PPEF1: variants seen among roughly 807,000 people sequenced by gnomAD.
PPEF1 encodes the protein serine/threonine-protein phosphatase with EF-hands 1.
In PPEF1, 12 loss-of-function variants were observed where a neutral mutation model predicts 53.3. That is an observed-to-expected ratio of 0.23 (90% confidence interval 0.14 to 0.36). PPEF1 has a LOEUF of 0.36. Among genes scored for constraint, PPEF1 ranks in the 10% least tolerant of loss-of-function variants. PPEF1 has a pLI of 1.00. For missense variants in PPEF1, 334 were observed against 490.4 expected (o/e 0.68, Z 3.01); for synonymous variants, 165 against 176.7 (o/e 0.93, Z 0.52).
At chrX:18,700,252 T>C (rs1051522519) in intron 5 of PPEF1, 1 of 91,923 alleles carries the variant, frequency 1.1e-5, no homozygotes, top group Non-Finnish European at 2.3e-5. Flanking sequence ...TGTGTGTGTG[T>C]GTGTGTGTGT....
At chrX:18,807,970 T>TG (rs1491235635) in intron 12 of PPEF1, among the ~76,000 whole-genome samples, 1 of 21,922 alleles carries the variant, frequency 4.6e-5, no homozygotes, top group African/African-American at 1.6e-4. Context: ...TGTACGTACA[T>TG]TTTTTTTTTT....
intron 3 of PPEF1, among the ~76,000 whole-genome samples, chrX:18,747,890 T>C (rs1443975472): frequency 8.9e-6 from 1 of 112,164 alleles, no homozygotes; most frequent in Non-Finnish European, 1.9e-5. Flanking sequence ...TTGCTGTTAT[T>C]TGTTTTTTCT....
intron 14 of PPEF1, among the ~76,000 whole-genome samples, chrX:18,825,116 A>T (rs1357753036): frequency 8.9e-6 from 1 of 112,045 alleles, no homozygotes; most frequent in Admixed American, 9.5e-5. Flanking sequence ...TATCAGGGAG[A>T]TTTATCAGAT....
intron 4 of PPEF1, among the ~76,000 whole-genome samples, chrX:18,691,813 A>G (rs1227949944): frequency 1.8e-5 from 2 of 112,174 alleles, no homozygotes; most frequent in Non-Finnish European, 3.8e-5. Context: ...TAACTCTGAC[A>G]GTCTGAATTG....
chrX:18,824,758 C>T (rs916174977), intron 14 of PPEF1, among the ~76,000 whole-genome samples: 8 of 109,795 alleles, frequency 7.3e-5, no homozygotes, highest in East Asian at 2.9e-4. Context: ...CTGCCTGCCA[C>T]GCTCAAGTGA....
intron 15 of PPEF1, among the ~76,000 whole-genome samples, chrX:18,826,417 CTTTTTTTTT>C (rs58697941): frequency 4.1e-5 from 1 of 24,626 alleles, no homozygotes; most frequent in African/African-American, 2.1e-4. Context: ...TCATTTTCTG[CTTTTTTTTT>C]TTTTTTTTTT....
intron 12 of PPEF1, among the ~76,000 whole-genome samples, chrX:18,817,068 A>C (rs479675): frequency 2.0e-5 from 2 of 100,118 alleles, no homozygotes; most frequent in South Asian, 9.8e-4. Context: ...TCATTTTGCC[A>C]TGTGTGTGTG....
upstream of PPEF1, among the ~76,000 whole-genome samples, chrX:18,682,951 A>G (rs185284372): frequency 1.8e-5 from 2 of 111,767 alleles, no homozygotes; most frequent in Admixed American, 9.5e-5. Flanking sequence ...AGGCCTCACA[A>G]TCATGGCGGA....
intron 13 of PPEF1, among the ~76,000 whole-genome samples, chrX:18,821,378 T>C (rs944761646): frequency 9.0e-6 from 1 of 110,724 alleles, no homozygotes; most frequent in African/African-American, 3.3e-5. Flanking sequence ...GTAAAAGATA[T>C]GATTAACAAA....
At chrX:18,756,187 CT>C (rs933434622) in intron 4 of PPEF1, among the ~76,000 whole-genome samples, 18 of 106,870 alleles carry the variant, frequency 1.7e-4, no homozygotes, top group African/African-American at 3.7e-4. Flanking sequence ...TTTAATACTA[CT>C]TTTTTTTTTG....
At chrX:18,693,386 A>G (rs1401871774) in intron 4 of PPEF1, among the ~76,000 whole-genome samples, 3 of 111,608 alleles carry the variant, frequency 2.7e-5, no homozygotes, top group Non-Finnish European at 3.8e-5. Flanking sequence ...TCTCAAATAT[A>G]ACAGACTCCC....
chrX:18,791,008 T>A (rs746647259), intron 10 of PPEF1, among the ~76,000 whole-genome samples: 19 of 111,584 alleles, frequency 1.7e-4, no homozygotes, highest in Non-Finnish European at 2.8e-4. Flanking sequence ...ACTTTCCTTG[T>A]TAAATTTTCT....
intron 4 of PPEF1, among the ~76,000 whole-genome samples, chrX:18,693,909 C>A (rs1929560451): frequency 8.9e-6 from 1 of 111,947 alleles, no homozygotes; most frequent in Admixed American, 9.5e-5. Context: ...AGCATAACCA[C>A]CATCATCATC....
chrX:18,757,822 T>A, intron 5 of PPEF1, 81 bp downstream of exon 5: 2 of 664,312 alleles, frequency 3.0e-6, no homozygotes, highest in Non-Finnish European at 4.8e-6. Flanking sequence ...GAAAACTGTG[T>A]AAATTGGACT....
intron 5 of PPEF1, among the ~76,000 whole-genome samples, chrX:18,760,076 C>T (rs1220274271): frequency 9.0e-6 from 1 of 111,371 alleles, no homozygotes; most frequent in Non-Finnish European, 1.9e-5. Flanking sequence ...ACCTCTGCCT[C>T]CCGGGGCTCC....
chrX:18,749,340 G>A (rs2045393263), intron 3 of PPEF1, among the ~76,000 whole-genome samples: 1 of 112,307 alleles, frequency 8.9e-6, no homozygotes, highest in African/African-American at 3.2e-5. Context: ...GTTTAACAGG[G>A]GAAAAATTGA....
Position 18,784,016 on chromosome X carries a change from T to C in PPEF1, c.880T>C (p.Leu294=). The C allele has an allele frequency of 8.3e-7, 1 of 1,208,341 alleles. No individual in the cohort carries two copies. Among genetic ancestry groups the C allele is most frequent in the Middle Eastern group, 2.3e-4 (1 of 4,338 alleles). ...TGGTGGGATATCAGAGACCACAGAC[T>C]TGAATTTACTCCACCGTGTAGAGAG... The part of the protein sequence containing the change: ...IHGGISETTD[L]NLLHRVERNK... Residue 294 remains leucine, a synonymous_variant, in exon 9 of 16, where the codon TTG becomes CTG. Coordinates refer to ENST00000470157, the MANE Select transcript of PPEF1 (RefSeq NM_001377996.1).
chrX:18,694,297 CCAGGAGT>C (rs1332703847), intron 4 of PPEF1, among the ~76,000 whole-genome samples: 1 of 111,372 alleles, frequency 9.0e-6, no homozygotes, highest in Non-Finnish European at 1.9e-5. Context: ...GGATAGCTAC[CCAGGAGT>C]AGGATTGCTG....
intron 12 of PPEF1, among the ~76,000 whole-genome samples, chrX:18,811,462 C>A (rs1670367547): frequency 9.1e-6 from 1 of 109,802 alleles, no homozygotes; most frequent in Non-Finnish European, 1.9e-5. Context: ...TTTCCATGTG[C>A]TTATTGGACA....
Sources: gnomAD v4.1 joint callset for allele counts (sites outside exome capture counted in the v4.1 genomes callset) on GRCh38, gnomAD v4.1.1 for gene constraint, MANE v1.5 for transcripts, NCBI Gene and HGNC (gene_info 2026-07-23, HGNC 2026-07-21) for gene names.